Variants in LAMA2 observed in about 807,000 individuals in gnomAD.
LAMA2 encodes laminin subunit alpha 2, also known as laminin subunit alpha-2.
A neutral mutation model predicts 364.8 loss-of-function variants in LAMA2; 269 were observed. The ratio of observed to expected loss-of-function variants is 0.74; its 90% CI spans 0.67 to 0.82. LAMA2 has a LOEUF of 0.82. Ranked by LOEUF, LAMA2 falls within the 40% of genes least tolerant of loss-of-function variation. LAMA2 has a pLI of 0.00. For missense variants in LAMA2, 3,807 were observed against 3,873.2 expected (o/e 0.98, Z 0.45); for synonymous variants, 1,379 against 1,370.6 (o/e 1.01, Z -0.14).
chr6:129,144,505 C>A (rs1032261588), intron 5 of LAMA2, among the ~76,000 whole-genome samples: 1 of 151,888 alleles, frequency 6.6e-6, no homozygotes, highest in Non-Finnish European at 1.5e-5. Flanking sequence ...AGCCAGTATA[C>A]ACACATGCAC....
At chr6:128,893,391 T>G (rs1776578868) in intron 1 of LAMA2, among the ~76,000 whole-genome samples, 1 of 151,828 alleles carries the variant, frequency 6.6e-6, no homozygotes, top group Non-Finnish European at 1.5e-5. Context: ...TTGTTATTAA[T>G]TAATAATGTT....
intron 21 of LAMA2, among the ~76,000 whole-genome samples, chr6:129,300,009 A>G (rs954575444): frequency 3.3e-5 from 5 of 152,202 alleles, no homozygotes; most frequent in African/African-American, 7.2e-5. Context: ...GCTATGTGGC[A>G]TGCATTCCTT....
chr6:129,505,479 G>A (rs572421727), intron 61 of LAMA2, 124 bp downstream of exon 61: 8 of 754,444 alleles, frequency 1.1e-5, no homozygotes, highest in Non-Finnish European at 1.9e-5. Context: ...CATCTTTTCT[G>A]ATAAGGGACA....
intron 41 of LAMA2, among the ~76,000 whole-genome samples, chr6:129,432,252 GAATGGTGGA>G (rs1474545817): frequency 1.3e-5 from 2 of 152,108 alleles, no homozygotes; most frequent in Non-Finnish European, 1.5e-5. Flanking sequence ...TTTAGAGTGT[GAATGGTGGA>G]AATAAAAAAA....
chr6:128,974,727 T>G (rs1001610067), intron 1 of LAMA2, among the ~76,000 whole-genome samples: 3 of 152,230 alleles, frequency 2.0e-5, no homozygotes, highest in African/African-American at 7.2e-5. Context: ...ATCCATTCAT[T>G]CATTTATTCC....
At chr6:128,967,909 C>T (rs1276532355) in intron 1 of LAMA2, among the ~76,000 whole-genome samples, 1 of 152,132 alleles carries the variant, frequency 6.6e-6, no homozygotes, top group Non-Finnish European at 1.5e-5. Flanking sequence ...GCCGAAGATT[C>T]CCAGCCCCAG....
At chr6:129,042,589 A>G (rs1010298128) in intron 1 of LAMA2, among the ~76,000 whole-genome samples, 2 of 152,146 alleles carry the variant, frequency 1.3e-5, no homozygotes, top group African/African-American at 4.8e-5. Context: ...TAACAAATAC[A>G]TACACCATTA....
In LAMA2 at chr6:129,109,632, A is replaced by G. The variant is rs565388858; in HGVS notation, c.639+11217A>G. Among the ~76,000 whole-genome samples the G allele has an allele frequency of 1.2e-3, 189 of 152,088 alleles. 1 individual carries two copies. The highest frequency in any genetic ancestry group is 4.2e-3 in the African/African-American group (173 of 41,498). On this transcript the variant is annotated intron_variant, in intron 4 of 64. Transcript: ENST00000421865. Reference sequence around the variant, plus strand: ...AGGGTTTTTAAATGACTTAAAAGATATATATTTCTCCAAACTATAGGTAAT... The same window carrying G: ...AGGGTTTTTAAATGACTTAAAAGATGTATATTTCTCCAAACTATAGGTAAT...
intron 34 of LAMA2, among the ~76,000 whole-genome samples, chr6:129,370,752 TCGGG>T (rs1441897808): frequency 3.7e-4 from 56 of 152,328 alleles, no homozygotes; most frequent in African/African-American, 1.3e-3. Context: ...AAGAGCTGCC[TCGGG>T]CCATGACAGT....
chr6:129,147,569 T>A (rs906680600), intron 6 of LAMA2, among the ~76,000 whole-genome samples: 1 of 152,094 alleles, frequency 6.6e-6, no homozygotes, highest in Middle Eastern at 3.4e-3. Context: ...AATGCCAGAA[T>A]GCTTTTTGAT....
chr6:129,122,925 T>C (rs1776882099), intron 4 of LAMA2, among the ~76,000 whole-genome samples: 1 of 152,098 alleles, frequency 6.6e-6, no homozygotes, highest in East Asian at 1.9e-4. Flanking sequence ...AAGCTTAAAT[T>C]ATAAAATCAG....
intron 34 of LAMA2, among the ~76,000 whole-genome samples, chr6:129,377,287 C>T (rs560824212): frequency 7.7e-4 from 117 of 151,866 alleles, no homozygotes; most frequent in African/African-American, 2.5e-3. Context: ...AGTTTTTAAA[C>T]GATTTAAGTG....
chr6:129,141,646 G>C (rs1160325191), intron 4 of LAMA2, among the ~76,000 whole-genome samples: 1 of 152,030 alleles, frequency 6.6e-6, no homozygotes. Flanking sequence ...CTAAATGCAG[G>C]ACGTTAGGAA....
chr6:129,014,268 C>T (rs1247802118), intron 1 of LAMA2, among the ~76,000 whole-genome samples: 1 of 152,154 alleles, frequency 6.6e-6, no homozygotes, highest in Non-Finnish European at 1.5e-5. Flanking sequence ...TTCTGGCTAT[C>T]TTACATTCGG....
chr6:128,946,780 C>A (rs1780510898), intron 1 of LAMA2, among the ~76,000 whole-genome samples: 1 of 152,128 alleles, frequency 6.6e-6, no homozygotes, highest in Non-Finnish European at 1.5e-5. Context: ...CCAGTTGGAA[C>A]ATTTCCATAT....
chr6:129,195,852 AATTTACT>A (rs1201696551), intron 12 of LAMA2, among the ~76,000 whole-genome samples: 2 of 152,198 alleles, frequency 1.3e-5, no homozygotes, highest in Admixed American at 1.3e-4. Flanking sequence ...GAGTTGGGAT[AATTTACT>A]GCCCTAGTAA....
intron 4 of LAMA2, among the ~76,000 whole-genome samples, chr6:129,141,996 T>C (rs1042689055): frequency 6.6e-6 from 1 of 152,094 alleles, no homozygotes; most frequent in Non-Finnish European, 1.5e-5. Context: ...ATTTACAGAA[T>C]ACAAAAATAG....
chr6:129,369,733 T>C (rs1406686114), intron 33 of LAMA2, among the ~76,000 whole-genome samples, 159 bp from the exon 34 acceptor site: 1 of 152,266 alleles, frequency 6.6e-6, no homozygotes, highest in Non-Finnish European at 1.5e-5. Context: ...ATATTTGGCA[T>C]GACACTCAAT....
chr6:129,375,357 T>C (rs1778312334), intron 34 of LAMA2, among the ~76,000 whole-genome samples: 1 of 152,174 alleles, frequency 6.6e-6, no homozygotes, highest in Non-Finnish European at 1.5e-5. Flanking sequence ...GCTATTGTCC[T>C]TAGCTCCTTT....
Sources: allele counts gnomAD v4.1 joint callset (sites outside exome capture counted in the v4.1 genomes callset), GRCh38; gene constraint gnomAD v4.1.1; transcripts MANE v1.5; gene names NCBI Gene and HGNC (gene_info 2026-07-23, HGNC 2026-07-21).